MAGI1: variants seen among roughly 807,000 people sequenced by gnomAD.
MAGI1 encodes membrane-associated guanylate kinase, WW and PDZ domain-containing protein 1.
In MAGI1, 58 loss-of-function variants were observed where a neutral mutation model predicts 139.9. That is an observed-to-expected ratio of 0.41 (90% CI 0.34 to 0.52). MAGI1 has a LOEUF of 0.52. Ranked by LOEUF, MAGI1 falls within the 20% of genes least tolerant of loss-of-function variation. The pLI, the probability that MAGI1 is intolerant of heterozygous loss-of-function variation, is 0.12. For synonymous variants in MAGI1, 812 were observed against 737.9 expected (o/e 1.10, Z -1.63); for missense variants, 1,874 against 1,901.6 (o/e 0.99, Z 0.27).
At chr3:65,564,009 AT>A (rs2080489146) in intron 2 of MAGI1, among the ~76,000 whole-genome samples, 1 of 152,182 alleles carries the variant, frequency 6.6e-6, no homozygotes, top group African/African-American at 2.4e-5. Flanking sequence ...ATGTAATGAC[AT>A]TTAGGCTTTC....
chr3:65,754,283 C>T (rs532498284), intron 1 of MAGI1, among the ~76,000 whole-genome samples: 7 of 152,128 alleles, frequency 4.6e-5, no homozygotes, highest in South Asian at 2.1e-4. Flanking sequence ...GGCACATTTA[C>T]GATTAATTTC....
At chr3:65,664,486 A>T (rs1178344561) in intron 1 of MAGI1, among the ~76,000 whole-genome samples, 1 of 152,232 alleles carries the variant, frequency 6.6e-6, no homozygotes, top group African/African-American at 2.4e-5. Context: ...AACTCTGGCC[A>T]AGATAAATTA....
intron 1 of MAGI1, among the ~76,000 whole-genome samples, chr3:65,672,720 T>C (rs954116159): frequency 6.6e-6 from 1 of 152,202 alleles, no homozygotes; most frequent in African/African-American, 2.4e-5. Flanking sequence ...CAGATACCAA[T>C]AAATCCATTT....
intron 1 of MAGI1, among the ~76,000 whole-genome samples, chr3:65,964,537 G>A (rs917253775): frequency 1.3e-5 from 2 of 151,960 alleles, no homozygotes; most frequent in African/African-American, 4.8e-5. Flanking sequence ...GCGGGGGCGG[G>A]GGGAACCACC....
chr3:65,830,689 G>T (rs2042474773), intron 1 of MAGI1, among the ~76,000 whole-genome samples: 1 of 152,100 alleles, frequency 6.6e-6, no homozygotes, highest in African/African-American at 2.4e-5. Flanking sequence ...CTGTTAGACA[G>T]ATTTTAATAA....
intron 1 of MAGI1, among the ~76,000 whole-genome samples, chr3:65,965,424 C>T (rs957382967): frequency 6.6e-6 from 1 of 152,108 alleles, no homozygotes; most frequent in Non-Finnish European, 1.5e-5. Flanking sequence ...AATGAAGTAA[C>T]TAAAAGCAAA....
intron 14 of MAGI1, among the ~76,000 whole-genome samples, chr3:65,386,860 T>C (rs912157005): frequency 7.2e-5 from 11 of 152,180 alleles, no homozygotes; most frequent in African/African-American, 2.4e-4. Flanking sequence ...CCTTTGATAA[T>C]TAGAAAGAAT....
intron 1 of MAGI1, among the ~76,000 whole-genome samples, chr3:65,885,718 C>T (rs2060504690): frequency 6.6e-6 from 1 of 152,212 alleles, no homozygotes; most frequent in African/African-American, 2.4e-5. Flanking sequence ...TTTGCTCCTC[C>T]TTCACCTTCC....
intron 5 of MAGI1, among the ~76,000 whole-genome samples, chr3:65,467,845 G>A (rs577960493): frequency 2.0e-5 from 3 of 152,236 alleles, no homozygotes; most frequent in Admixed American, 1.3e-4. Context: ...TAATTTCGAA[G>A]GCAATTTAAT....
intron 1 of MAGI1, among the ~76,000 whole-genome samples, chr3:65,968,894 T>C (rs1418715083): frequency 6.6e-6 from 1 of 152,200 alleles, no homozygotes; most frequent in Admixed American, 6.5e-5. Context: ...TTTCATGCAA[T>C]TAAATGCTTA....
intron 1 of MAGI1, among the ~76,000 whole-genome samples, chr3:65,655,292 C>G (rs1003444719): frequency 6.6e-6 from 1 of 152,004 alleles, no homozygotes; most frequent in African/African-American, 2.4e-5. Context: ...TACTGTAAAC[C>G]CATAAAGGCT....
chr3:65,529,325 C>T (rs944203083), intron 2 of MAGI1, among the ~76,000 whole-genome samples: 1 of 152,130 alleles, frequency 6.6e-6, no homozygotes, highest in East Asian at 1.9e-4. Context: ...AACATTTCAT[C>T]ACCACAAACA....
intron 1 of MAGI1, among the ~76,000 whole-genome samples, chr3:65,891,283 C>T (rs1342719776): frequency 6.6e-6 from 1 of 150,516 alleles, no homozygotes; most frequent in Non-Finnish European, 1.5e-5. Flanking sequence ...GGGTTTGTAA[C>T]ATGGACAACT....
rs1034872715 is a variant in MAGI1, at chr3:65,760,001, G to A, written c.314-137913C>T. 2.6e-5 allele frequency among the ~76,000 whole-genome samples: 4 copies of A among 152,134 alleles called. No individual in the cohort carries two copies. In the East Asian group the frequency reaches 5.8e-4, roughly 22 times the overall value. The stretch of plus-strand genomic sequence containing the variant: ...TTCCTGAGCAAAAATTGGAGAGCAC[G>A]AAAGTATTTCCTTCATGTAATAGAA... On this transcript the variant is annotated intron_variant, in intron 1 of 22. Transcript: ENST00000402939.
At chr3:65,866,758 A>C (rs1294811780) in intron 1 of MAGI1, among the ~76,000 whole-genome samples, 3 of 152,104 alleles carry the variant, frequency 2.0e-5, no homozygotes. Flanking sequence ...ATTGTTTCCT[A>C]AGGCACTGCC....
At chr3:65,734,134 C>A (rs902548031) in intron 1 of MAGI1, among the ~76,000 whole-genome samples, 1 of 152,112 alleles carries the variant, frequency 6.6e-6, no homozygotes, top group Admixed American at 6.6e-5. Flanking sequence ...GATGAGGATG[C>A]CAACTCATTT....
intron 1 of MAGI1, among the ~76,000 whole-genome samples, chr3:65,878,423 G>C (rs2060199779): frequency 6.6e-6 from 1 of 151,574 alleles, no homozygotes; most frequent in Admixed American, 6.6e-5. Flanking sequence ...GGCTGAAGTA[G>C]GCGAATTGCT....
At chr3:65,483,265 G>A (rs181128540) in intron 3 of MAGI1, among the ~76,000 whole-genome samples, 283 of 152,318 alleles carry the variant, frequency 1.9e-3, no homozygotes, top group Middle Eastern at 3.4e-3. Flanking sequence ...GCAATGGGCA[G>A]GATGGGTCAT....
intron 1 of MAGI1, among the ~76,000 whole-genome samples, chr3:65,754,254 G>A (rs560303269): frequency 6.6e-5 from 10 of 152,192 alleles, no homozygotes; most frequent in South Asian, 4.2e-4. Flanking sequence ...AATATGCCAC[G>A]ATCTGATGTA....
Sources: allele counts gnomAD v4.1 joint callset (sites outside exome capture counted in the v4.1 genomes callset), GRCh38; gene constraint gnomAD v4.1.1; transcripts MANE v1.5; gene names NCBI Gene and HGNC (gene_info 2026-07-23, HGNC 2026-07-21).